The following ETV6 variants were observed in gnomAD, a reference collection of about 807,000 sequenced individuals.
The protein encoded by ETV6 is ETS variant transcription factor 6.
In ETV6, 16 loss-of-function variants were observed where a neutral mutation model predicts 51.1. The ratio of observed to expected loss-of-function variants is 0.31; its 90% CI spans 0.21 to 0.48. The LOEUF (loss-of-function observed/expected upper bound fraction) is 0.48. Among genes scored for constraint, ETV6 ranks in the 20% least tolerant of loss-of-function variants. ETV6 has a pLI of 0.99. For missense variants in ETV6, 458 were observed against 594.8 expected (o/e 0.77, Z 2.39); for synonymous variants, 240 against 224.1 (o/e 1.07, Z -0.64).
chr12:11,696,990 G>A (rs1358123371), intron 1 of ETV6, among the ~76,000 whole-genome samples: 1 of 152,172 alleles, frequency 6.6e-6, no homozygotes, highest in Admixed American at 6.5e-5. Flanking sequence ...TGAACAGATA[G>A]ATAAGTTATA....
chr12:11,853,492 C>G lies in ETV6; in HGVS notation c.394C>G (p.Pro132Ala), dbSNP rs769171614. The G allele has an allele frequency of 6.2e-6, 10 of 1,614,072 alleles. No homozygotes were observed. The East Asian group carries it at 2.2e-4, about 36-fold the overall frequency. The change falls in exon 4 of 8, where the codon CCA becomes GCA. Residue 132 changes from proline to alanine, a missense_variant. Physicochemically the swap from Pro to Ala is conservative, Grantham distance 27. Coordinates refer to ENST00000396373, the MANE Select transcript of ETV6 (RefSeq NM_001987.5). ...GAGGAAACCTCGGATTCTTTTTTCA[C>G]CATTCTTCCACCCTGGAAACTCTAT... Reference protein sequence around the residue: ...KQRKPRILFSPFFHPGNSIHT... With the variant: ...KQRKPRILFSAFFHPGNSIHT...
intron 1 of ETV6, among the ~76,000 whole-genome samples, chr12:11,670,517 C>T (rs1864293203): frequency 6.6e-6 from 1 of 152,172 alleles, no homozygotes; most frequent in South Asian, 2.1e-4. Flanking sequence ...TAACATTTTT[C>T]ACTGTAAGGG....
At chr12:11,764,807 T>C (rs1052641716) in intron 2 of ETV6, among the ~76,000 whole-genome samples, 25 of 152,334 alleles carry the variant, frequency 1.6e-4, no homozygotes, top group African/African-American at 6.0e-4. Flanking sequence ...TGAGTGCTTA[T>C]GGTAGGCGCT....
intron 1 of ETV6, among the ~76,000 whole-genome samples, chr12:11,665,051 T>C (rs1327391429): frequency 6.6e-6 from 1 of 152,226 alleles, no homozygotes; most frequent in Non-Finnish European, 1.5e-5. Flanking sequence ...ATGGTCTCGC[T>C]CTGTGGCCAA....
chr12:11,790,890 A>G (rs1358736417), intron 2 of ETV6, among the ~76,000 whole-genome samples: 1 of 151,940 alleles, frequency 6.6e-6, no homozygotes. Context: ...GTTGGCCAGC[A>G]TGTGGGTCTG....
chr12:11,766,686 G>T (rs191790550), intron 2 of ETV6, among the ~76,000 whole-genome samples: 1 of 152,152 alleles, frequency 6.6e-6, no homozygotes, highest in African/African-American at 2.4e-5. Context: ...ACAGCCCTAT[G>T]CTGCCAAGAC....
chr12:11,882,088 T>C (rs1165976565), intron 5 of ETV6, among the ~76,000 whole-genome samples: 1 of 152,198 alleles, frequency 6.6e-6, no homozygotes, highest in African/African-American at 2.4e-5. Context: ...AGGCCACTTG[T>C]CCTTTTCCAA....
At chr12:11,860,600 G>A (rs910742237) in intron 4 of ETV6, among the ~76,000 whole-genome samples, 2 of 151,764 alleles carry the variant, frequency 1.3e-5, no homozygotes, top group Non-Finnish European at 2.9e-5. Flanking sequence ...AAAGAAATGA[G>A]TTAATACGGA....
intron 4 of ETV6, among the ~76,000 whole-genome samples, chr12:11,855,717 G>GAACGA: frequency 6.6e-6 from 1 of 152,306 alleles, no homozygotes; most frequent in Non-Finnish European, 1.5e-5. Flanking sequence ...CCGTGATGGA[G>GAACGA]AACGAACAGC....
chr12:11,753,219 G>A (rs1314715866), intron 2 of ETV6, among the ~76,000 whole-genome samples: 4 of 151,962 alleles, frequency 2.6e-5, no homozygotes, highest in Non-Finnish European at 5.9e-5. Flanking sequence ...CTACCCCTTG[G>A]CCTACCACTT....
chr12:11,777,055 A>G (rs1331511723), intron 2 of ETV6, among the ~76,000 whole-genome samples: 5 of 152,136 alleles, frequency 3.3e-5, no homozygotes, highest in South Asian at 2.1e-4. Flanking sequence ...TGGCTAACAC[A>G]GTGAAACCCC....
intron 4 of ETV6, among the ~76,000 whole-genome samples, chr12:11,863,875 G>T (rs1408891498): frequency 3.3e-5 from 5 of 152,202 alleles, no homozygotes; most frequent in Admixed American, 3.3e-4. Flanking sequence ...AGCTTGCAGG[G>T]TCTCATTGCA....
intron 1 of ETV6, among the ~76,000 whole-genome samples, chr12:11,714,658 A>G (rs1865239258): frequency 6.6e-6 from 1 of 151,600 alleles, no homozygotes; most frequent in Non-Finnish European, 1.5e-5. Context: ...TGAAAAAAAA[A>G]AAAAAAAAAA....
At chr12:11,668,269 A>C (rs1358575734) in intron 1 of ETV6, among the ~76,000 whole-genome samples, 1 of 152,222 alleles carries the variant, frequency 6.6e-6, no homozygotes, top group East Asian at 1.9e-4. Flanking sequence ...GCCAATAAGA[A>C]TGCAATAACA....
At chr12:11,873,428 A>T (rs780698807) in intron 5 of ETV6, among the ~76,000 whole-genome samples, 17 of 152,194 alleles carry the variant, frequency 1.1e-4, no homozygotes, top group Admixed American at 2.6e-4. Flanking sequence ...GTACAACGTA[A>T]AAGTTCTGTC....
intron 2 of ETV6, among the ~76,000 whole-genome samples, chr12:11,777,390 G>A (rs1945345182): frequency 6.6e-6 from 1 of 151,810 alleles, no homozygotes; most frequent in Admixed American, 6.6e-5. Context: ...AATAGTTATT[G>A]TGGTTATCTC....
chr12:11,762,174 C>G (rs1377470423), intron 2 of ETV6, among the ~76,000 whole-genome samples: 6 of 152,166 alleles, frequency 3.9e-5, no homozygotes, highest in Non-Finnish European at 1.5e-5. Context: ...AAAGACTGTC[C>G]CTGCCACTCT....
intron 1 of ETV6, among the ~76,000 whole-genome samples, chr12:11,654,119 T>C (rs1863957102): frequency 6.6e-6 from 1 of 152,150 alleles, no homozygotes; most frequent in East Asian, 1.9e-4. Context: ...CAGCGTAATG[T>C]TTTATTATTT....
At chr12:11,732,754 C>G (rs896627584) in intron 1 of ETV6, among the ~76,000 whole-genome samples, 2 of 152,176 alleles carry the variant, frequency 1.3e-5, no homozygotes, top group Non-Finnish European at 2.9e-5. Context: ...TGTCCCTGAG[C>G]CTGAACACAT....
Sources: gnomAD v4.1 joint callset for allele counts (sites outside exome capture counted in the v4.1 genomes callset) on GRCh38, gnomAD v4.1.1 for gene constraint, MANE v1.5 for transcripts, NCBI Gene and HGNC (gene_info 2026-07-23, HGNC 2026-07-21) for gene names.